IGF2R: variants seen among roughly 807,000 people sequenced by gnomAD.
IGF2R encodes the protein insulin like growth factor 2 receptor, also known as cation-independent mannose-6-phosphate receptor.
IGF2R carries 91 observed loss-of-function variants against 270.6 expected under a neutral mutation model. The observed-to-expected ratio is 0.34, with a 90% CI of 0.28 to 0.40. The LOEUF (loss-of-function observed/expected upper bound fraction) is 0.40, where lower values mean the gene tolerates loss of function less well. Among genes scored for constraint, IGF2R ranks in the 10% least tolerant of loss-of-function variants. The probability of loss-of-function intolerance (pLI) is 1.00; values close to 1 mark genes in which losing one functional copy is unlikely to be tolerated. For missense variants in IGF2R, 2,805 were observed against 3,188.3 expected, an observed-to-expected ratio of 0.88 and a Z score of 2.90; for synonymous variants, 1,316 against 1,258.9, an observed-to-expected ratio of 1.05 and a Z score of -0.96.
In IGF2R at chr6:160,036,339, G is replaced by A. The variant is rs147873041; in HGVS notation, c.1315+1817G>A. On this transcript the variant is annotated intron_variant, in intron 10 of 47. Transcript: ENST00000356956. ...TAGCCATGTCTGCACCCTGAATCAC[G>A]TCTCTCCTACTTGGTGTCCCCAGTC... Among the ~76,000 whole-genome samples, 658 of 152,130 alleles carry A rather than the reference G, an allele frequency of 4.3e-3. 3 individuals carry two copies. Among genetic ancestry groups the A allele is most frequent in the African/African-American group, 0.015 (621 of 41,492 alleles).
intron 31 of IGF2R, among the ~76,000 whole-genome samples, chr6:160,071,022 G>C (rs1251700065): frequency 6.6e-6 from 1 of 151,936 alleles, no homozygotes; most frequent in Non-Finnish European, 1.5e-5. Context: ...AGGGTGTGTG[G>C]GGCCCCTGTG....
At chr6:160,080,900 G>A (rs927919034) in intron 39 of IGF2R, among the ~76,000 whole-genome samples, 4 of 151,614 alleles carry the variant, frequency 2.6e-5, no homozygotes, top group Admixed American at 2.0e-4. Flanking sequence ...GGTGGATCAC[G>A]AGGTCAGGAG....
chr6:160,075,022 C>T (rs1266686404), intron 35 of IGF2R, among the ~76,000 whole-genome samples: 1 of 152,136 alleles, frequency 6.6e-6, no homozygotes, highest in Non-Finnish European at 1.5e-5. Context: ...TGTGGTGCCA[C>T]GTGGTCTGAA....
chr6:160,036,643 C>T (rs557623882), intron 10 of IGF2R, among the ~76,000 whole-genome samples: 5 of 151,946 alleles, frequency 3.3e-5, no homozygotes, highest in African/African-American at 4.8e-5. Flanking sequence ...TCGAAATGGA[C>T]GAGCAGGATA....
At chr6:160,081,952 C>T (rs991474580) in intron 39 of IGF2R, among the ~76,000 whole-genome samples, 3 of 152,190 alleles carry the variant, frequency 2.0e-5, no homozygotes, top group Admixed American at 6.5e-5. Context: ...TTAATGCAAT[C>T]ATCACAGGGT....
At position 160,085,058 on chromosome 6, in the gene IGF2R, C is replaced by T; in HGVS notation, c.6132C>T (p.Ser2044=). 6.2e-7 allele frequency: 1 copy of T among 1,614,078 alleles called. No individual in the cohort carries two copies. Among genetic ancestry groups the T allele is most frequent in the Non-Finnish European group, 8.5e-7 (1 of 1,179,976 alleles). Residue 2044 remains serine (S), a synonymous_variant, in exon 41 of 48, where the codon AGC becomes AGT. Transcript: ENST00000356956. The part of the protein sequence containing the change: ...KGPLGCSERA[S]ICRRTTTGDV... ...CCCTGGGCTGCTCTGAAAGGGCCAG[C>T]ATTTGCAGAAGGACCACAACTGGTG...
At chr6:160,018,570 C>A (rs1457346951) in intron 4 of IGF2R, among the ~76,000 whole-genome samples, 1 of 151,758 alleles carries the variant, frequency 6.6e-6, no homozygotes, top group Non-Finnish European at 1.5e-5. Flanking sequence ...ATATGTCATA[C>A]CAAAAAACAA....
intron 10 of IGF2R, among the ~76,000 whole-genome samples, chr6:160,035,302 GT>G (rs2115235999): frequency 6.6e-6 from 1 of 152,330 alleles, no homozygotes; most frequent in Non-Finnish European, 1.5e-5. Context: ...TGTTCTGTGT[GT>G]TTTTCTACAG....
At chr6:160,055,389 C>T (rs1477075568) in intron 19 of IGF2R, among the ~76,000 whole-genome samples, 5 of 152,222 alleles carry the variant, frequency 3.3e-5, no homozygotes, top group South Asian at 2.1e-4. Flanking sequence ...ACATTGTTGT[C>T]GTGTCTCTCA....
intron 31 of IGF2R, 38 bp from the exon 32 acceptor site, chr6:160,071,872 G>A (rs1411253181): frequency 2.5e-6 from 4 of 1,605,816 alleles, no homozygotes; most frequent in Non-Finnish European, 8.5e-7. Context: ...TGGAGTTTTT[G>A]CGTGATCCCT....
intron 1 of IGF2R, among the ~76,000 whole-genome samples, chr6:159,978,385 T>C (rs1783726697): frequency 6.6e-6 from 1 of 151,740 alleles, no homozygotes; most frequent in Admixed American, 6.6e-5. Flanking sequence ...CTCCTGCATG[T>C]GGTGGCTTGG....
chr6:159,970,993 A>G (rs1015155), intron 1 of IGF2R, among the ~76,000 whole-genome samples: 60,419 of 151,706 alleles, frequency 0.4, 12,705 homozygotes, highest in East Asian at 0.69. Context: ...TGGTAGGATA[A>G]CGTTAGCCCC....
chr6:159,980,239 G>GAAAGAGAAA (rs1562330724), intron 1 of IGF2R, among the ~76,000 whole-genome samples: 1 of 145,768 alleles, frequency 6.9e-6, no homozygotes, highest in Non-Finnish European at 1.5e-5. Flanking sequence ...AAGAAAGAAA[G>GAAAGAGAAA]GTACATGGAA....
At chr6:160,020,056 C>T (rs897198309) in intron 4 of IGF2R, among the ~76,000 whole-genome samples, 1 of 152,118 alleles carries the variant, frequency 6.6e-6, no homozygotes, top group East Asian at 1.9e-4. Context: ...ACCTAGAAAA[C>T]TCTAAAGTTT....
chr6:160,003,024 C>G (rs533190067), intron 2 of IGF2R, among the ~76,000 whole-genome samples: 2 of 152,294 alleles, frequency 1.3e-5, no homozygotes, highest in South Asian at 4.1e-4. Flanking sequence ...GAGGTTACCT[C>G]TGGAGCCTGG....
chr6:160,063,195 T>C (rs1562363022), intron 26 of IGF2R, among the ~76,000 whole-genome samples: 1 of 151,942 alleles, frequency 6.6e-6, no homozygotes. Flanking sequence ...CCTGCCACCA[T>C]GCCCAGCTAA....
At chr6:159,997,688 G>C (rs918759427) in intron 2 of IGF2R, among the ~76,000 whole-genome samples, 9 of 152,114 alleles carry the variant, frequency 5.9e-5, no homozygotes, top group African/African-American at 2.2e-4. Context: ...TTTCATCCCA[G>C]GGGTTCTCCA....
At chr6:160,035,163 C>T (rs570704086) in intron 10 of IGF2R, among the ~76,000 whole-genome samples, 2 of 152,284 alleles carry the variant, frequency 1.3e-5, no homozygotes, top group East Asian at 3.9e-4. Flanking sequence ...CATCTGTTGA[C>T]CCCCAGGCTG....
intron 39 of IGF2R, among the ~76,000 whole-genome samples, chr6:160,082,042 A>C (rs1562372107): frequency 6.6e-6 from 1 of 152,210 alleles, no homozygotes; most frequent in Non-Finnish European, 1.5e-5. Flanking sequence ...GGAAATTATA[A>C]TATTGATTGG....
Sources: gnomAD v4.1 joint callset for allele counts (sites outside exome capture counted in the v4.1 genomes callset) on GRCh38, gnomAD v4.1.1 for gene constraint, MANE v1.5 for transcripts, NCBI Gene and HGNC (gene_info 2026-07-23, HGNC 2026-07-21) for gene names.